The following NUFIP2 variants were observed in gnomAD, a reference collection of about 807,000 sequenced individuals.
NUFIP2 encodes the protein FMR1-interacting protein NUFIP2.
A neutral mutation model predicts 56.9 loss-of-function variants in NUFIP2; 6 were observed. That is an observed-to-expected ratio of 0.11 (90% CI 0.06 to 0.21). The LOEUF is 0.21. Among genes scored for constraint, NUFIP2 ranks in the 10% least tolerant of loss-of-function variants. NUFIP2 has a pLI of 1.00. For missense variants in NUFIP2, 828 were observed against 826.8 expected (o/e 1.00, Z -0.02); for synonymous variants, 321 against 298.2 (o/e 1.08, Z -0.79).
At position 29,286,139 on chromosome 17, in the gene NUFIP2, A is replaced by G. The variant is rs765118415; in HGVS notation, c.1855T>C (p.Tyr619His). 2 of 1,614,110 alleles carry G rather than the reference A, an allele frequency of 1.2e-6. No individual in the cohort carries two copies. ...AGAGGATTTTGACTTTCTATCTCGT[A>G]GTCCTTTGAGAGAAACACTAAAGCA... Reference protein sequence around the residue: ...QGALVFLSKDYEIESQNPLAS... With the variant: ...QGALVFLSKDHEIESQNPLAS... Residue 619 changes from tyrosine to histidine, a missense_variant, in exon 2 of 4, where the codon TAC becomes CAC. Tyr to His is a moderately conservative substitution (Grantham distance 83). Coordinates refer to ENST00000225388, the MANE Select transcript of NUFIP2 (RefSeq NM_020772.3).
rs1427471054 is a variant in NUFIP2, at chr17:29,264,449, G to A, written c.*90C>T. On this transcript the variant is annotated 3_prime_UTR_variant, in exon 4 of 4. Coordinates refer to ENST00000225388, the MANE Select transcript of NUFIP2 (RefSeq NM_020772.3). ...ATTCTACTTATGGTTCCTCTGCTGC[G>A]TTGAAGATCTAGGAGCATAAAAGCC... 6 of 689,150 alleles carry A rather than the reference G, an allele frequency of 8.7e-6. No individual in the cohort carries two copies. Among genetic ancestry groups the A allele is most frequent in the African/African-American group, 3.6e-5 (2 of 55,632 alleles). The allele number at this position is 689,150 out of a possible 1,614,324, so 42.7% of individuals were successfully genotyped here.
Position 29,257,238 on chromosome 17 carries a change from A to T in NUFIP2, c.*7301T>A, listed in dbSNP as rs2068976248. ...TAGTTCCACTGATGAGCTAGCCCAG[A>T]ACTATGTAACTTTGAGCCAAGTTTC... is the stretch of plus-strand genomic sequence containing the variant. On this transcript the variant is annotated 3_prime_UTR_variant, in exon 4 of 4. Transcript: ENST00000225388. 6.6e-6 allele frequency: 1 copy of T among 152,202 alleles called. No individual in the cohort carries two copies. Among genetic ancestry groups the T allele is most frequent in the African/African-American group, 2.4e-5 (1 of 41,444 alleles). 9.4% of individuals were successfully genotyped at this position (152,202 alleles called of 1,614,324 possible).
At chr17:29,265,568 C>T (rs1277787982) in intron 3 of NUFIP2, among the ~76,000 whole-genome samples, 1 of 148,080 alleles carries the variant, frequency 6.8e-6, no homozygotes, top group African/African-American at 2.4e-5. Context: ...TCCCAAAGTG[C>T]TGGGATTACA....
chr17:29,269,921 C>T (rs928376097), intron 2 of NUFIP2, among the ~76,000 whole-genome samples: 2 of 152,070 alleles, frequency 1.3e-5, no homozygotes, highest in East Asian at 1.9e-4. Flanking sequence ...GGGGTTTCAC[C>T]GTGTTAGCCA....
At chr17:29,281,187 G>A (rs2069137501) in intron 2 of NUFIP2, among the ~76,000 whole-genome samples, 1 of 151,980 alleles carries the variant, frequency 6.6e-6, no homozygotes, top group Non-Finnish European at 1.5e-5. Flanking sequence ...CGGGCACGGT[G>A]GCTCATGCCT....
At position 29,267,548 on chromosome 17, in the gene NUFIP2, G is replaced by A. The variant is rs1331644228; in HGVS notation, c.2003-18C>T. 3 of 1,498,946 alleles carry A rather than the reference G, an allele frequency of 2.0e-6. No individual in the cohort carries two copies. Among genetic ancestry groups the A allele is most frequent in the Non-Finnish European group, 2.7e-6 (3 of 1,092,626 alleles). 92.9% of individuals were successfully genotyped at this position (1,498,946 alleles called of 1,614,324 possible). ...TTCCATTTCTGCAAAGAAAAAAAGA[G>A]AATTACATACTAAGTTTTGGTGAGC... On this transcript the variant is annotated intron_variant, in intron 2 of 3. Transcript: ENST00000225388.
chr17:29,279,463 G>A (rs1049514869), intron 2 of NUFIP2, among the ~76,000 whole-genome samples: 1 of 152,080 alleles, frequency 6.6e-6, no homozygotes, highest in Non-Finnish European at 1.5e-5. Flanking sequence ...CAGAAAAATG[G>A]CTTCCAGTCT....
At chr17:29,265,366 G>A (rs1284406657) in intron 3 of NUFIP2, among the ~76,000 whole-genome samples, 2 of 144,144 alleles carry the variant, frequency 1.4e-5, no homozygotes, top group Admixed American at 6.9e-5. Context: ...GCAGTGGCGC[G>A]ATCTCGGCTC....
intron 1 of NUFIP2, among the ~76,000 whole-genome samples, chr17:29,288,541 A>C (rs1440692984): frequency 6.6e-6 from 1 of 152,226 alleles, no homozygotes; most frequent in East Asian, 1.9e-4. Context: ...AGTATTCTTA[A>C]ATTTCATTTT....
chr17:29,278,331 C>T (rs528908875), intron 2 of NUFIP2, among the ~76,000 whole-genome samples: 15 of 152,128 alleles, frequency 9.9e-5, no homozygotes, highest in Non-Finnish European at 1.6e-4. Context: ...ACTGCAAGCT[C>T]CACCTCCCGG....
At chr17:29,284,334 G>T (rs1395224982) in intron 2 of NUFIP2, among the ~76,000 whole-genome samples, 1 of 152,140 alleles carries the variant, frequency 6.6e-6, no homozygotes, top group African/African-American at 2.4e-5. Context: ...CTCATTATTT[G>T]CTCTAAGGAT....
rs1463957050 is a variant in NUFIP2 at position 29,255,860 on chromosome 17, C to T, written c.*8679G>A. On this transcript the variant is annotated 3_prime_UTR_variant, in exon 4 of 4. Coordinates refer to ENST00000225388, the MANE Select transcript of NUFIP2 (RefSeq NM_020772.3). ...CTCAGAAACTTTAAAATTTTTTATT[C>T]AACAATGTACACTTATTGTCTCTCA... is the stretch of plus-strand genomic sequence containing the variant. 6.6e-6 allele frequency: 1 copy of T among 152,150 alleles called. No homozygotes were observed. Among genetic ancestry groups the T allele is most frequent in the Non-Finnish European group, 1.5e-5 (1 of 68,016 alleles). The allele number at this position is 152,150 out of a possible 1,614,324, so 9.4% of individuals were successfully genotyped here.
intron 2 of NUFIP2, among the ~76,000 whole-genome samples, chr17:29,269,574 T>C (rs1425773310): frequency 6.6e-6 from 1 of 151,608 alleles, no homozygotes; most frequent in East Asian, 1.9e-4. Context: ...AGTGGCATAA[T>C]CATGGCTCAC....
intron 2 of NUFIP2, among the ~76,000 whole-genome samples, chr17:29,275,194 G>A (rs554231792): frequency 3.3e-4 from 50 of 151,984 alleles, no homozygotes; most frequent in African/African-American, 1.2e-3. Context: ...CTAATTTTTT[G>A]TATTTTTTTT....
rs2069001014 is a variant in NUFIP2, at chr17:29,261,284, T to C, written c.*3255A>G. 6.6e-6 allele frequency: 1 copy of C among 152,192 alleles called. No homozygotes were observed. Among genetic ancestry groups the C allele is most frequent in the African/African-American group, 2.4e-5 (1 of 41,458 alleles). 9.4% of individuals were successfully genotyped at this position (152,192 alleles called of 1,614,324 possible). A position where few individuals can be genotyped will look rare whatever the true frequency, so the allele number is the denominator to read the frequency against. ...GGATTTAAACCACCTGACTTTTTTC[T>C]GTGTAATGAAAACAAATGGCACAAA... On this transcript the variant is annotated 3_prime_UTR_variant, in exon 4 of 4. Coordinates refer to ENST00000225388, the MANE Select transcript of NUFIP2 (RefSeq NM_020772.3).
At chr17:29,290,038 C>T (rs2069201207) in intron 1 of NUFIP2, among the ~76,000 whole-genome samples, 1 of 152,100 alleles carries the variant, frequency 6.6e-6, no homozygotes, top group African/African-American at 2.4e-5. Context: ...ACTCAGCCTC[C>T]AGAGTAGCTG....
intron 2 of NUFIP2, among the ~76,000 whole-genome samples, chr17:29,269,644 C>A (rs967532508): frequency 2.0e-5 from 3 of 151,910 alleles, no homozygotes; most frequent in Admixed American, 6.6e-5. Flanking sequence ...TAGCTGGGAC[C>A]ACAGACACAT....
rs746057585 is a variant in NUFIP2, at chr17:29,293,914, T to A, written c.146A>T (p.His49Leu). The change falls in exon 1 of 4, where the codon CAT (histidine) becomes CTT (leucine). Residue 49 changes from histidine to leucine, a missense_variant. Physicochemically the swap from His to Leu is moderately conservative, Grantham distance 99. This residue lies in a region of NUFIP2 where 415 missense variants were observed against 408.7 expected (regional missense o/e 1.02). Transcript: ENST00000225388. ...YNHSHNHHHH[H>L]HHQQPHQYLQ... is the part of the protein sequence containing the mutation. ...GTATTGGTGAGGCTGCTGGTGATGA[T>A]GGTGGTGGTGGTGGTTGTGGCTGTG... The A allele has an allele frequency of 3.1e-6, 5 of 1,605,860 alleles. No individual in the cohort carries two copies. The Admixed American group carries it at 8.4e-5, about 27-fold the overall frequency.
rs182402847 is a variant in NUFIP2 at position 29,260,479 on chromosome 17, G to A, written c.*4060C>T. 2.0e-5 allele frequency: 3 copies of A among 152,266 alleles called. No individual in the cohort carries two copies. Among genetic ancestry groups the A allele is most frequent in the Admixed American group, 2.0e-4 (3 of 15,300 alleles). The allele number at this position is 152,266 out of a possible 1,614,324, so 9.4% of individuals were successfully genotyped here. A position where few individuals can be genotyped will look rare whatever the true frequency, so the allele number is the denominator to read the frequency against. On this transcript the variant is annotated 3_prime_UTR_variant, in exon 4 of 4. Coordinates refer to ENST00000225388, the MANE Select transcript of NUFIP2 (RefSeq NM_020772.3). ...CTATTTCTCTGAAGAGAGCCTTGTA[G>A]GAATGACTCCGTCCTTATTTACAGT...
Sources: allele counts gnomAD v4.1 joint callset (sites outside exome capture counted in the v4.1 genomes callset), GRCh38; gene constraint gnomAD v4.1.1; regional missense constraint gnomAD v4.1.1; transcripts MANE v1.5; gene names NCBI Gene and HGNC (gene_info 2026-07-23, HGNC 2026-07-21).